Variants in MIGA1 observed in about 807,000 individuals in gnomAD.
MIGA1 encodes family with sequence similarity 73, member A.
In MIGA1, 58 loss-of-function variants were observed where a neutral mutation model predicts 82.0. The observed-to-expected ratio is 0.71, with a 90% CI of 0.57 to 0.88. The LOEUF (loss-of-function observed/expected upper bound fraction) is 0.88, where lower values mean the gene tolerates loss of function less well. MIGA1 is among the 40% of genes least tolerant of loss of function. MIGA1 has a pLI of 0.00. For missense variants in MIGA1, 751 were observed against 749.1 expected (o/e 1.00, Z -0.03); for synonymous variants, 249 against 253.6 (o/e 0.98, Z 0.17).
At chr1:77,843,923 A>G (rs1309634725) in intron 8 of MIGA1, among the ~76,000 whole-genome samples, 2 of 151,540 alleles carry the variant, frequency 1.3e-5, no homozygotes, top group Non-Finnish European at 2.9e-5. Flanking sequence ...ACATAGTGAG[A>G]CCTTGTCCCT....
chr1:77,803,251 T>G lies in MIGA1; in HGVS notation c.374-19T>G. ...TTGGCGTTATTGATATTTTTAATAT[T>G]AGTATGTTTATTTGATAGGTTCAAG... On this transcript the variant is annotated intron_variant, in intron 3 of 15. Coordinates refer to ENST00000370791, the MANE Select transcript of MIGA1 (RefSeq NM_198549.4). 7.2e-7 allele frequency: 1 copy of G among 1,390,702 alleles called. No homozygotes were observed. Among genetic ancestry groups the G allele is most frequent in the Non-Finnish European group, 9.5e-7 (1 of 1,053,036 alleles). 86.1% of individuals were successfully genotyped at this position (1,390,702 alleles called of 1,614,324 possible). A position where few individuals can be genotyped will look rare whatever the true frequency, so the allele number is the denominator to read the frequency against.
At chr1:77,842,575 C>G (rs1684666536) in intron 7 of MIGA1, among the ~76,000 whole-genome samples, 1 of 152,070 alleles carries the variant, frequency 6.6e-6, no homozygotes, top group Non-Finnish European at 1.5e-5. Flanking sequence ...TGAGACGGAG[C>G]CTTGATCTGT....
At position 77,876,925 on chromosome 1, in the gene MIGA1, A is replaced by G. The variant is rs1360422453; in HGVS notation, c.*1861A>G. On this transcript the variant is annotated 3_prime_UTR_variant, in exon 16 of 16. Coordinates refer to ENST00000370791, the MANE Select transcript of MIGA1 (RefSeq NM_198549.4). The stretch of plus-strand genomic sequence containing the variant: ...GGAGTGACTAACTCAGTATGTAAGT[A>G]GATGAGATTTGTTGATTTTGCCCCT... 1 of 152,230 alleles carries G rather than the reference A, an allele frequency of 6.6e-6. No individual in the cohort carries two copies. Among genetic ancestry groups the G allele is most frequent in the Non-Finnish European group, 1.5e-5 (1 of 68,042 alleles). The allele number at this position is 152,230 out of a possible 1,614,324, so 9.4% of individuals were successfully genotyped here. A position where few individuals can be genotyped will look rare whatever the true frequency, so the allele number is the denominator to read the frequency against.
chr1:77,833,509 T>G (rs917293596), intron 7 of MIGA1, among the ~76,000 whole-genome samples: 4 of 152,218 alleles, frequency 2.6e-5, no homozygotes, highest in African/African-American at 9.6e-5. Flanking sequence ...TGAAGTTATG[T>G]CTTAACAGCT....
chr1:77,837,805 T>G (rs1002322296), intron 7 of MIGA1, among the ~76,000 whole-genome samples: 2 of 152,182 alleles, frequency 1.3e-5, no homozygotes, highest in Non-Finnish European at 2.9e-5. Flanking sequence ...GAAAAAAGGT[T>G]ATGAGTGGTA....
At chr1:77,865,137 C>CTTTT (rs766912801) in intron 13 of MIGA1, among the ~76,000 whole-genome samples, 1 of 142,042 alleles carries the variant, frequency 7.0e-6, no homozygotes. Context: ...ATTTTTCTTT[C>CTTTT]TTTTTTTTTT....
intron 8 of MIGA1, 138 bp downstream of exon 8, chr1:77,843,545 A>G (rs1684705866): frequency 1.3e-5 from 8 of 618,934 alleles, no homozygotes; most frequent in Non-Finnish European, 2.2e-5. Context: ...TACAAAAATG[A>G]ATAAATCTAA....
intron 5 of MIGA1, among the ~76,000 whole-genome samples, chr1:77,807,420 T>C (rs1043973358): frequency 6.6e-6 from 1 of 152,176 alleles, no homozygotes; most frequent in Non-Finnish European, 1.5e-5. Flanking sequence ...CGCCTCAGCC[T>C]CCCAAAGTAC....
chr1:77,785,294 A>T (rs998596875), intron 2 of MIGA1, among the ~76,000 whole-genome samples: 1 of 152,298 alleles, frequency 6.6e-6, no homozygotes, highest in East Asian at 1.9e-4. Context: ...TGGCCAAAAC[A>T]AAGGAGCTAC....
intron 8 of MIGA1, among the ~76,000 whole-genome samples, chr1:77,846,815 C>T (rs1327075907): frequency 6.6e-6 from 1 of 151,864 alleles, no homozygotes; most frequent in African/African-American, 2.4e-5. Context: ...GGCATGGTGG[C>T]GGGCGCCTGT....
rs192856160 is a variant in MIGA1, at chr1:77,856,207, A to G, written c.997-2731A>G. 2.7e-3 allele frequency among the ~76,000 whole-genome samples: 411 copies of G among 152,302 alleles called. 1 individual carries two copies. Among genetic ancestry groups the G allele is most frequent in the Non-Finnish European group, 3.4e-3 (232 of 68,032 alleles). On this transcript the variant is annotated intron_variant, in intron 8 of 15. Transcript: ENST00000370791. ...TGGTGTGTCACATTCATTGACTCAC[A>G]TATGTTAAACTGTCCCTGCATCCCT...
At chr1:77,845,896 T>C (rs968653499) in intron 8 of MIGA1, among the ~76,000 whole-genome samples, 3 of 152,100 alleles carry the variant, frequency 2.0e-5, no homozygotes, top group African/African-American at 7.2e-5. Context: ...ATTAACAAGA[T>C]TTTCCTGTAT....
chr1:77,800,973 C>A (rs1263591365), intron 2 of MIGA1, among the ~76,000 whole-genome samples: 2 of 151,916 alleles, frequency 1.3e-5, no homozygotes, highest in Non-Finnish European at 2.9e-5. Context: ...TTTTTTAAAG[C>A]TCAGTTTAAT....
intron 12 of MIGA1, chr1:77,862,013 C>G (rs142292408): frequency 1.3e-5 from 2 of 150,566 alleles, no homozygotes; most frequent in African/African-American, 2.5e-5. Flanking sequence ...TAGTGGCTCA[C>G]GCCTGTAATC....
chr1:77,779,724 C>G lies in MIGA1; in HGVS notation c.69C>G (p.Gly23=). The G allele has an allele frequency of 6.3e-7, 1 of 1,575,606 alleles. No homozygotes were observed. Among genetic ancestry groups the G allele is most frequent in the Non-Finnish European group, 8.6e-7 (1 of 1,160,804 alleles). Reference sequence around the variant, plus strand: ...GCGTGGGCAGGCCAGCTGTACCTGGCCTGGAGCTCCAGGTACAGGGCCAGG... The same window carrying G: ...GCGTGGGCAGGCCAGCTGTACCTGGGCTGGAGCTCCAGGTACAGGGCCAGG... Residue 23 remains glycine, a synonymous_variant, in exon 1 of 16, where the codon GGC becomes GGG. Coordinates refer to ENST00000370791, the MANE Select transcript of MIGA1 (RefSeq NM_198549.4).
chr1:77,783,883 C>T (rs569160790), intron 2 of MIGA1, among the ~76,000 whole-genome samples: 6 of 152,282 alleles, frequency 3.9e-5, no homozygotes, highest in African/African-American at 1.4e-4. Context: ...TGTATGAATT[C>T]GACCAGGTAC....
intron 7 of MIGA1, among the ~76,000 whole-genome samples, chr1:77,833,230 A>G (rs1163736380): frequency 6.6e-6 from 1 of 152,218 alleles, no homozygotes; most frequent in Non-Finnish European, 1.5e-5. Context: ...TTAGGGAATG[A>G]TATGAATTGC....
At chr1:77,784,481 C>T (rs1682058008) in intron 2 of MIGA1, among the ~76,000 whole-genome samples, 1 of 152,144 alleles carries the variant, frequency 6.6e-6, no homozygotes, top group South Asian at 2.1e-4. Flanking sequence ...TCACTTTGAC[C>T]TCCTAAAGTA....
At chr1:77,788,328 G>A (rs868485082) in intron 2 of MIGA1, among the ~76,000 whole-genome samples, 5 of 152,048 alleles carry the variant, frequency 3.3e-5, no homozygotes, top group African/African-American at 4.8e-5. Flanking sequence ...TAGTAGAGAC[G>A]GGGTTTCACT....
Sources: allele counts gnomAD v4.1 joint callset (sites outside exome capture counted in the v4.1 genomes callset), GRCh38; gene constraint gnomAD v4.1.1; transcripts MANE v1.5; gene names NCBI Gene and HGNC (gene_info 2026-07-23, HGNC 2026-07-21).